FER: variants seen among roughly 807,000 people sequenced by gnomAD.
FER encodes tyrosine-protein kinase Fer.
FER carries 63 observed loss-of-function variants against 111.0 expected under a neutral mutation model. The ratio of observed to expected loss-of-function variants is 0.57; its 90% CI spans 0.46 to 0.70. The LOEUF (loss-of-function observed/expected upper bound fraction) is 0.70, where lower values mean the gene tolerates loss of function less well. FER is among the 30% of genes least tolerant of loss of function. The pLI is 0.00. For missense variants in FER, 914 were observed against 954.0 expected, an observed-to-expected ratio of 0.96 and a Z score of 0.55; for synonymous variants, 327 against 313.9, an observed-to-expected ratio of 1.04 and a Z score of -0.44.
At chr5:109,098,871 T>A (rs760764616) in intron 16 of FER, among the ~76,000 whole-genome samples, 1 of 151,666 alleles carries the variant, frequency 6.6e-6, no homozygotes, top group Non-Finnish European at 1.5e-5. Context: ...ATTTGTATAA[T>A]ACTTAATCTG....
At chr5:109,155,628 A>C (rs1161976281) in intron 17 of FER, among the ~76,000 whole-genome samples, 3 of 152,036 alleles carry the variant, frequency 2.0e-5, no homozygotes, top group Non-Finnish European at 4.4e-5. Context: ...ACAGCACTAA[A>C]GTCTACAAAT....
chr5:108,812,350 T>C (rs1757851416), intron 3 of FER, among the ~76,000 whole-genome samples: 1 of 152,202 alleles, frequency 6.6e-6, no homozygotes, highest in Non-Finnish European at 1.5e-5. Flanking sequence ...CTGGTAACAT[T>C]CTTTGTTGTG....
chr5:109,068,129 C>G (rs1581886720), intron 16 of FER, among the ~76,000 whole-genome samples: 1 of 152,036 alleles, frequency 6.6e-6, no homozygotes, highest in African/African-American at 2.4e-5. Flanking sequence ...CTGAGAAAGC[C>G]CAGTGGGAAA....
At chr5:108,812,984 TA>T (rs1383877799) in intron 3 of FER, among the ~76,000 whole-genome samples, 1 of 152,158 alleles carries the variant, frequency 6.6e-6, no homozygotes, top group Non-Finnish European at 1.5e-5. Flanking sequence ...TAATTCTTTA[TA>T]TTTGCTCATT....
intron 13 of FER, among the ~76,000 whole-genome samples, chr5:109,000,465 G>A (rs1186652299): frequency 6.6e-6 from 1 of 151,694 alleles, no homozygotes; most frequent in Non-Finnish European, 1.5e-5. Context: ...CGAGAAAAAA[G>A]ACACAACATT....
Position 108,832,794 on chromosome 5 carries a change from A to G in FER, c.232A>G (p.Thr78Ala). The G allele has an allele frequency of 6.5e-7, 1 of 1,537,064 alleles. No individual in the cohort carries two copies. Among genetic ancestry groups the G allele is most frequent in the Non-Finnish European group, 8.7e-7 (1 of 1,143,642 alleles). The change falls in exon 4 of 20, where the codon ACA (threonine) becomes GCA (alanine). Residue 78 changes from threonine (T) to alanine (A), a missense_variant. Transcript: ENST00000281092. The part of the protein sequence containing the change: ...SKSWLLMIQQ[T>A]EQLSRIMKTH... ...GTCTTGGCTACTTATGATTCAGCAG[A>G]CAGAACAACTTAGTAGGATAATGAA...
rs1293970352 is a variant in FER, at chr5:109,190,887, T to A, written c.*3312T>A. 6.6e-6 allele frequency: 1 copy of A among 152,194 alleles called. No homozygotes were observed. Among genetic ancestry groups the A allele is most frequent in the African/African-American group, 2.4e-5 (1 of 41,458 alleles). The allele number at this position is 152,194 out of a possible 1,614,324, so 9.4% of individuals were successfully genotyped here. On this transcript the variant is annotated 3_prime_UTR_variant, in exon 20 of 20. Coordinates refer to ENST00000281092, the MANE Select transcript of FER (RefSeq NM_005246.4). Reference sequence around the variant, plus strand: ...TGTGTTAGATATTTTCAGTGCACATTTCACAGTTGTTTTTCATTTTAGGAT... The same window carrying A: ...TGTGTTAGATATTTTCAGTGCACATATCACAGTTGTTTTTCATTTTAGGAT...
rs1477548380 is a variant in FER at position 109,189,432 on chromosome 5, T to TTAGAG, written c.*1860_*1864dup. On this transcript the variant is annotated 3_prime_UTR_variant, in exon 20 of 20. Transcript: ENST00000281092. ...ATCGCACAGAACTCACACCAGTACTTTAGAGTATGAAAGATAATACTGAAG... is the reference window on the plus strand; with the variant it reads ...ATCGCACAGAACTCACACCAGTACTTTAGAGTAGAGTATGAAAGATAATACTGAAG... 8.5e-5 allele frequency: 13 copies of TTAGAG among 152,300 alleles called. No homozygotes were observed. In the South Asian group the frequency reaches 2.1e-3, roughly 24 times the overall value. The allele number at this position is 152,300 out of a possible 1,614,324, so 9.4% of individuals were successfully genotyped here.
intron 11 of FER, among the ~76,000 whole-genome samples, chr5:108,947,315 G>C (rs555604644): frequency 6.6e-6 from 1 of 151,908 alleles, no homozygotes; most frequent in Non-Finnish European, 1.5e-5. Context: ...ATTCCCATTA[G>C]CAATATATGA....
At chr5:109,138,884 C>T (rs920651727) in intron 17 of FER, among the ~76,000 whole-genome samples, 1 of 152,108 alleles carries the variant, frequency 6.6e-6, no homozygotes, top group Non-Finnish European at 1.5e-5. Flanking sequence ...AATACAAATT[C>T]TTGATATGAC....
At chr5:108,851,637 T>C (rs1762555537) in intron 5 of FER, among the ~76,000 whole-genome samples, 1 of 152,242 alleles carries the variant, frequency 6.6e-6, no homozygotes, top group Non-Finnish European at 1.5e-5. Context: ...TATTTAATTG[T>C]ATGGTATTGA....
At chr5:108,938,024 T>TCACACA (rs1160736106) in intron 10 of FER, among the ~76,000 whole-genome samples, 22 of 78,042 alleles carry the variant, frequency 2.8e-4, no homozygotes, top group South Asian at 8.4e-4. Flanking sequence ...CCTATCTCTC[T>TCACACA]CTCACACACA....
chr5:108,810,817 G>A (rs1757680915), intron 3 of FER, among the ~76,000 whole-genome samples: 1 of 152,168 alleles, frequency 6.6e-6, no homozygotes, highest in African/African-American at 2.4e-5. Flanking sequence ...TCAGCTGTCT[G>A]GAGATCTGCC....
chr5:108,969,694 T>G (rs900058117), intron 13 of FER, among the ~76,000 whole-genome samples: 1 of 147,776 alleles, frequency 6.8e-6, no homozygotes, highest in Admixed American at 6.6e-5. Context: ...CTCAAGCAAA[T>G]ATAAATTTTT....
chr5:109,125,521 C>T (rs1443125214), intron 17 of FER, among the ~76,000 whole-genome samples: 1 of 152,186 alleles, frequency 6.6e-6, no homozygotes, highest in Non-Finnish European at 1.5e-5. Context: ...TTCAGACCAT[C>T]TTTCCCTCGC....
chr5:108,852,694 G>A (rs565616619), intron 5 of FER, among the ~76,000 whole-genome samples: 42 of 151,948 alleles, frequency 2.8e-4, no homozygotes, highest in Non-Finnish European at 5.3e-4. Flanking sequence ...ACTTATTTTT[G>A]GATTTAGTGA....
intron 16 of FER, among the ~76,000 whole-genome samples, chr5:109,053,749 G>A (rs1376920550): frequency 7.0e-6 from 1 of 142,826 alleles, no homozygotes; most frequent in Non-Finnish European, 1.5e-5. Context: ...GGAGTGCAGT[G>A]GTGCGATCTT....
intron 13 of FER, among the ~76,000 whole-genome samples, chr5:109,017,474 G>A (rs1488255665): frequency 6.6e-6 from 1 of 151,876 alleles, no homozygotes; most frequent in Non-Finnish European, 1.5e-5. Flanking sequence ...GACATAGTAA[G>A]ATTTTCATGC....
chr5:108,996,826 G>A (rs920660084), intron 13 of FER, among the ~76,000 whole-genome samples: 2 of 152,124 alleles, frequency 1.3e-5, no homozygotes, highest in South Asian at 2.1e-4. Flanking sequence ...GATGGGGATA[G>A]CATTTAATCT....
Sources: gnomAD v4.1 joint callset for allele counts (sites outside exome capture counted in the v4.1 genomes callset) on GRCh38, gnomAD v4.1.1 for gene constraint, MANE v1.5 for transcripts, NCBI Gene and HGNC (gene_info 2026-07-23, HGNC 2026-07-21) for gene names.